Variants in GPR108 observed in about 807,000 individuals in gnomAD.
GPR108 encodes the protein protein GPR108.
Under a neutral mutation model 74.3 loss-of-function variants are expected in GPR108, and 60 were observed. That is an observed-to-expected ratio of 0.81 (90% CI 0.66 to 1.00). The LOEUF (loss-of-function observed/expected upper bound fraction) is 1.00, where lower values mean the gene tolerates loss of function less well. Among genes scored for constraint, GPR108 ranks in the 50% least tolerant of loss-of-function variants. The pLI is 0.00. For missense variants in GPR108, 667 were observed against 703.3 expected (o/e 0.95, Z 0.58); for synonymous variants, 311 against 292.4 (o/e 1.06, Z -0.65).
chr19:6,736,249 C>G (rs560124185), intron 2 of GPR108, among the ~76,000 whole-genome samples: 1 of 152,284 alleles, frequency 6.6e-6, no homozygotes, highest in Admixed American at 6.5e-5. Context: ...CACACCTCAC[C>G]ACGCCCGGCT....
chr19:6,736,033 A>G, intron 2 of GPR108, 75 bp from the exon 3 acceptor site: 1 of 1,333,068 alleles, frequency 7.5e-7, no homozygotes, highest in Non-Finnish European at 1.0e-6. Flanking sequence ...CAGTAGCAAT[A>G]GAAACCTAAC....
chr19:6,735,380 A>T (rs1968591583), intron 4 of GPR108: 1 of 481,944 alleles, frequency 2.1e-6, no homozygotes, highest in African/African-American at 2.0e-5. Flanking sequence ...AACATGTGCG[A>T]ACAATTGTTA....
At chr19:6,732,428 C>T in intron 11 of GPR108, 48 bp from the exon 12 acceptor site, 3 of 1,611,340 alleles carry the variant, frequency 1.9e-6, no homozygotes, top group Non-Finnish European at 2.5e-6. Flanking sequence ...GGCCAACCCT[C>T]CCCTGCCTGC....
At chr19:6,735,781 C>T in intron 3 of GPR108, 77 bp from the exon 4 acceptor site, 4 of 1,541,250 alleles carry the variant, frequency 2.6e-6, no homozygotes, top group South Asian at 2.3e-5. Flanking sequence ...CCTCCCTGTC[C>T]ACCCACGGGA....
rs1172913586 is a variant in GPR108, at chr19:6,735,950, G to A, written c.249C>T (p.Phe83=). 1 of 1,609,734 alleles carries A rather than the reference G, an allele frequency of 6.2e-7. No individual in the cohort carries two copies. The highest frequency in any genetic ancestry group is 1.1e-5 in the South Asian group (1 of 90,382). The change falls in exon 3 of 18, where the codon TTC becomes TTT. Residue 83 remains phenylalanine (F), a synonymous_variant. Coordinates refer to ENST00000264080, the MANE Select transcript of GPR108 (RefSeq NM_001080452.2). ...EAEEKSLLVG[F]SLSRVRSGRV... ...TGCCAGACCGAACCCGGCTGAGACTGAACCCCACCTGGTGGGTGGAAAAAA... is the reference window on the plus strand; with the variant it reads ...TGCCAGACCGAACCCGGCTGAGACTAAACCCCACCTGGTGGGTGGAAAAAA...
intron 2 of GPR108, 68 bp downstream of exon 2, chr19:6,736,524 G>A (rs1386355558): frequency 2.7e-6 from 4 of 1,504,866 alleles, no homozygotes; most frequent in Non-Finnish European, 3.6e-6. Context: ...GGTAGCGGCA[G>A]AGCTGGGAAC....
chr19:6,732,825 G>A (rs1447062560), intron 10 of GPR108, 162 bp downstream of exon 10: 6 of 675,112 alleles, frequency 8.9e-6, no homozygotes, highest in Middle Eastern at 4.0e-4. Flanking sequence ...CAGGACTGGT[G>A]GACAGAGGGG....
At position 6,737,509 on chromosome 19, in the gene GPR108, A is replaced by G; in HGVS notation, c.68T>C (p.Leu23Pro). 1 of 1,581,160 alleles carries G rather than the reference A, an allele frequency of 6.3e-7. No individual in the cohort carries two copies. Among genetic ancestry groups the G allele is most frequent in the Non-Finnish European group, 8.5e-7 (1 of 1,171,530 alleles). ...SPAEWGQRLL[L>P]VLLLGGCSGR... ...GGAGCAGCCACCCAGCAGCAGCACC[A>G]GAAGTAGCCGCTGCCCCCACTCCGC... Residue 23 changes from leucine (L) to proline (P), a missense_variant, in exon 1 of 18, where the codon CTG becomes CCG. Transcript: ENST00000264080.
At chr19:6,734,146 C>T in intron 5 of GPR108, 37 bp downstream of exon 5, 2 of 1,614,104 alleles carry the variant, frequency 1.2e-6, no homozygotes, top group Non-Finnish European at 1.7e-6. Flanking sequence ...GGCAGACCTG[C>T]CCATCCACCC....
rs202152370 is a variant in GPR108 at position 6,732,310 on chromosome 19, G to A, written c.1078C>T (p.Leu360=). 4.8e-5 allele frequency: 77 copies of A among 1,613,192 alleles called. No individual in the cohort carries two copies. Among genetic ancestry groups the A allele is most frequent in the Non-Finnish European group, 6.1e-5 (72 of 1,180,040 alleles). The part of the protein sequence containing the change: ...GSGWAFIKYV[L]SDKEKKVFGI... ...AAGACCTTCTTCTCCTTATCCGACA[G>A]GACGTACTTGATGAAGGCCCAGCCT... Residue 360 remains leucine, a synonymous_variant, in exon 12 of 18, where the codon CTG becomes TTG. Transcript: ENST00000264080.
intron 12 of GPR108, 21 bp downstream of exon 12, chr19:6,732,242 C>T (rs891880512): frequency 1.9e-5 from 30 of 1,611,426 alleles, no homozygotes; most frequent in Middle Eastern, 1.6e-4. Context: ...CGCCCTGCTC[C>T]GGAGGCTGCT....
chr19:6,734,882 ATTATTATTAT>A (rs1446483116), intron 4 of GPR108, among the ~76,000 whole-genome samples: 4 of 133,768 alleles, frequency 3.0e-5, no homozygotes, highest in African/African-American at 1.3e-4. Context: ...TATTATTATT[ATTATTATTAT>A]TATTTTGAGA....
At position 6,733,690 on chromosome 19, in the gene GPR108, G is replaced by C; in HGVS notation, c.619-16C>G. The stretch of plus-strand genomic sequence containing the variant: ...CCACGTGGAACTGGGCGGGCGGGGA[G>C]AGAGGAGGGCTCAGCCTGGGGGACC... On this transcript the variant is annotated splice_polypyrimidine_tract_variant and intron_variant, in intron 7 of 17. Transcript: ENST00000264080. The C allele has an allele frequency of 6.2e-7, 1 of 1,611,458 alleles. No homozygotes were observed. Among genetic ancestry groups the C allele is most frequent in the Non-Finnish European group, 8.5e-7 (1 of 1,177,646 alleles).
At chr19:6,732,864 G>C (rs1599542369) in intron 10 of GPR108, 123 bp downstream of exon 10, 1 of 833,190 alleles carries the variant, frequency 1.2e-6, no homozygotes, top group Admixed American at 2.3e-5. Context: ...TGGTAAAATG[G>C]GTGGACACGT....
At position 6,732,134 on chromosome 19, in the gene GPR108, T is replaced by C. The variant is rs753330936; in HGVS notation, c.1147A>G (p.Ile383Val). Reference sequence around the variant, plus strand: ...CCTTCCTCGCGGGACTCGATGATGATGTAGGCCACGTTGGCCAGGACCTGC... The same window carrying C: ...CCTTCCTCGCGGGACTCGATGATGACGTAGGCCACGTTGGCCAGGACCTGC... ...PMQVLANVAY[I>V]IIESREEGAS... The change falls in exon 13 of 18, where the codon ATC becomes GTC. Residue 383 changes from isoleucine to valine, a missense_variant. By Grantham distance (29) the Ile-to-Val change is conservative. Transcript: ENST00000264080. 3.1e-6 allele frequency: 5 copies of C among 1,613,634 alleles called. No homozygotes were observed. The highest frequency in any genetic ancestry group is 4.2e-6 in the Non-Finnish European group (5 of 1,179,964).
intron 1 of GPR108, 26 bp downstream of exon 1, chr19:6,737,431 C>G: frequency 6.3e-7 from 1 of 1,585,440 alleles, no homozygotes; most frequent in Non-Finnish European, 8.5e-7. Flanking sequence ...GCCACCGACC[C>G]CAGACCCTCG....
Position 6,730,020 on chromosome 19 carries a change from T to C in GPR108, c.*292A>G, listed in dbSNP as rs150536945. 65 of 451,108 alleles carry C rather than the reference T, an allele frequency of 1.4e-4. No individual in the cohort carries two copies. The highest frequency in any genetic ancestry group is 1.4e-4 in the Non-Finnish European group (34 of 246,136). The allele number at this position is 451,108 out of a possible 1,614,324, so 27.9% of individuals were successfully genotyped here. On this transcript the variant is annotated 3_prime_UTR_variant, in exon 18 of 18. Coordinates refer to ENST00000264080, the MANE Select transcript of GPR108 (RefSeq NM_001080452.2). ...CTACATTGTAAACACAACCTCCGTG[T>C]AGACCCCAACCCCCAAAAAGGCAAG... is the stretch of plus-strand genomic sequence containing the variant.
Position 6,731,441 on chromosome 19 carries a change from C to G in GPR108, c.1350+32G>C, listed in dbSNP as rs1236744595. On this transcript the variant is annotated intron_variant, in intron 15 of 17. Transcript: ENST00000264080. ...GGCGTGCAGCAGGCCGGTAATCCCC[C>G]CAAACCCGCTGTGAGTGAGGCGGGC... 35 of 1,525,094 alleles carry G rather than the reference C, an allele frequency of 2.3e-5. 1 individual carries two copies. Among genetic ancestry groups the G allele is most frequent in the Non-Finnish European group, 3.1e-5 (35 of 1,137,688 alleles). The allele number at this position is 1,525,094 out of a possible 1,614,324, so 94.5% of individuals were successfully genotyped here.
intron 4 of GPR108, among the ~76,000 whole-genome samples, chr19:6,734,518 C>T (rs894540579): frequency 1.2e-4 from 18 of 152,204 alleles, no homozygotes; most frequent in Admixed American, 1.1e-3. Context: ...AGTTATTCGT[C>T]ATTTCCCATG....
Sources: gnomAD v4.1 joint callset for allele counts (sites outside exome capture counted in the v4.1 genomes callset) on GRCh38, gnomAD v4.1.1 for gene constraint, MANE v1.5 for transcripts, NCBI Gene and HGNC (gene_info 2026-07-23, HGNC 2026-07-21) for gene names.